Variants in PSPH observed in about 807,000 individuals in gnomAD.
PSPH encodes the protein phosphoserine phosphatase, also known as L-3-phosphoserine phosphatase.
Under a neutral mutation model 23.4 loss-of-function variants are expected in PSPH, and 16 were observed. The ratio of observed to expected loss-of-function variants is 0.68; its 90% CI spans 0.46 to 1.04. The LOEUF (loss-of-function observed/expected upper bound fraction) is 1.04, where lower values mean the gene tolerates loss of function less well. PSPH is among the 50% of genes least tolerant of loss of function. The probability of loss-of-function intolerance (pLI) is 0.00; values close to 1 mark genes in which losing one functional copy is unlikely to be tolerated. For missense variants in PSPH, 223 were observed against 273.7 expected (o/e 0.81, Z 1.31); for synonymous variants, 68 against 99.7 (o/e 0.68, Z 1.89).
chr7:56,037,420 CT>C (rs533011383), intron 1 of PSPH, among the ~76,000 whole-genome samples: 135 of 145,922 alleles, frequency 9.3e-4, no homozygotes, highest in Middle Eastern at 3.6e-3. Context: ...GTTTTCTTTC[CT>C]TTTTTTTTTT....
intron 3 of PSPH, among the ~76,000 whole-genome samples, chr7:56,021,524 T>G (rs1789443092): frequency 6.6e-6 from 1 of 151,770 alleles, no homozygotes; most frequent in Non-Finnish European, 1.5e-5. Context: ...GTTCAAGTGA[T>G]TCTCCTGCCT....
intron 1 of PSPH, among the ~76,000 whole-genome samples, chr7:56,046,066 G>A (rs184921352): frequency 4.1e-4 from 63 of 152,150 alleles, no homozygotes; most frequent in African/African-American, 1.5e-3. Flanking sequence ...GGTGGGTTTG[G>A]ATCACAGCTA....
rs2116565444 is a variant in PSPH at position 56,017,222 on chromosome 7, T to A, written c.421+12A>T. 6.2e-7 allele frequency: 1 copy of A among 1,613,886 alleles called. No homozygotes were observed. Among genetic ancestry groups the A allele is most frequent in the South Asian group, 1.1e-5 (1 of 91,066 alleles). Reference sequence around the variant, plus strand: ...TGCTAAGAAAGGGAACATGTTACTGTTAACATCTTACCGTTAAAGTAGAAT... The same window carrying A: ...TGCTAAGAAAGGGAACATGTTACTGATAACATCTTACCGTTAAAGTAGAAT... On this transcript the variant is annotated intron_variant, in intron 6 of 7. Transcript: ENST00000275605.
chr7:56,034,717 C>T (rs1345191968), intron 1 of PSPH, among the ~76,000 whole-genome samples: 1 of 151,676 alleles, frequency 6.6e-6, no homozygotes, highest in East Asian at 1.9e-4. Context: ...GGGGTTTCAC[C>T]GTGTTAGCCA....
At chr7:56,041,952 G>A (rs549949659) in intron 1 of PSPH, among the ~76,000 whole-genome samples, 1 of 151,180 alleles carries the variant, frequency 6.6e-6, no homozygotes, top group Admixed American at 6.6e-5. Context: ...ACCGGGCGCA[G>A]TGGCTCATGC....
intron 3 of PSPH, among the ~76,000 whole-genome samples, chr7:56,021,679 TG>T (rs1295348772): frequency 6.7e-6 from 1 of 150,352 alleles, no homozygotes; most frequent in Non-Finnish European, 1.5e-5. Context: ...CCGGGCGCGG[TG>T]GCTCAGGCCT....
intron 7 of PSPH, among the ~76,000 whole-genome samples, chr7:56,014,666 G>A (rs751531077): frequency 7.2e-5 from 11 of 152,042 alleles, no homozygotes; most frequent in African/African-American, 1.2e-4. Flanking sequence ...AAGTACGGCC[G>A]GGCACGGTGG....
intron 1 of PSPH, among the ~76,000 whole-genome samples, chr7:56,038,604 G>C (rs1792052290): frequency 6.6e-6 from 1 of 152,134 alleles, no homozygotes; most frequent in African/African-American, 2.4e-5. Context: ...GGAGGCCTAG[G>C]TGGGAGGATC....
intron 7 of PSPH, 151 bp from the exon 8 acceptor site, chr7:56,012,020 C>T: frequency 1.5e-6 from 1 of 663,748 alleles, no homozygotes; most frequent in Non-Finnish European, 2.6e-6. Context: ...ATTCTCATGC[C>T]TCAGCCTCCT....
At chr7:56,014,665 C>T (rs560887760) in intron 7 of PSPH, among the ~76,000 whole-genome samples, 208 of 152,154 alleles carry the variant, frequency 1.4e-3, no homozygotes, top group African/African-American at 4.6e-3. Context: ...AAAGTACGGC[C>T]GGGCACGGTG....
chr7:56,046,035 C>T (rs1201749263), intron 1 of PSPH, among the ~76,000 whole-genome samples: 1 of 152,020 alleles, frequency 6.6e-6, no homozygotes, highest in Non-Finnish European at 1.5e-5. Flanking sequence ...ACAATGTGGC[C>T]CAGATGGATG....
chr7:56,033,527 A>G (rs1352762687), intron 2 of PSPH: 1 of 150,544 alleles, frequency 6.6e-6, no homozygotes, highest in African/African-American at 2.4e-5. Flanking sequence ...AAAATAAAAA[A>G]AGAAAAGAAA....
chr7:56,032,636 G>A (rs1473687035), intron 2 of PSPH, among the ~76,000 whole-genome samples: 1 of 148,484 alleles, frequency 6.7e-6, no homozygotes, highest in Non-Finnish European at 1.5e-5. Flanking sequence ...CTTCAGCCTG[G>A]GTGACAGAGC....
chr7:56,045,169 T>C (rs1408073238), intron 1 of PSPH, among the ~76,000 whole-genome samples: 1 of 152,092 alleles, frequency 6.6e-6, no homozygotes, highest in Non-Finnish European at 1.5e-5. Context: ...AAGTTCTTCC[T>C]TACAGCAGAA....
At chr7:56,032,423 G>A (rs567189545) in intron 2 of PSPH, among the ~76,000 whole-genome samples, 2 of 152,200 alleles carry the variant, frequency 1.3e-5, no homozygotes, top group South Asian at 2.1e-4. Context: ...CACTTTGGGA[G>A]GCTAAGGCGG....
chr7:56,040,143 A>G (rs1169101951), intron 1 of PSPH, among the ~76,000 whole-genome samples: 2 of 152,266 alleles, frequency 1.3e-5, no homozygotes, highest in African/African-American at 4.8e-5. Flanking sequence ...AATGTCTTGA[A>G]AGAACACAGT....
intron 1 of PSPH, among the ~76,000 whole-genome samples, chr7:56,037,537 G>C (rs768338864): frequency 5.9e-5 from 9 of 151,548 alleles, no homozygotes; most frequent in Non-Finnish European, 1.2e-4. Flanking sequence ...TCCTGCCTCA[G>C]CCTTCCGAGT....
At chr7:56,039,774 CAAAAAA>C (rs67220264) in intron 1 of PSPH, among the ~76,000 whole-genome samples, 7 of 64,990 alleles carry the variant, frequency 1.1e-4, no homozygotes, top group African/African-American at 4.5e-4. Flanking sequence ...GACTCTGTCT[CAAAAAA>C]AAAAAAAAAA....
intron 3 of PSPH, among the ~76,000 whole-genome samples, chr7:56,026,390 C>A (rs1158325020): frequency 5.3e-5 from 8 of 150,180 alleles, no homozygotes; most frequent in Non-Finnish European, 1.0e-4. Context: ...GCGGGAGAAC[C>A]GCTTGAATCT....
Sources: allele counts gnomAD v4.1 joint callset (sites outside exome capture counted in the v4.1 genomes callset), GRCh38; gene constraint gnomAD v4.1.1; transcripts MANE v1.5; gene names NCBI Gene and HGNC (gene_info 2026-07-23, HGNC 2026-07-21).